Variants in LMNB1 observed in about 807,000 individuals in gnomAD.
LMNB1 encodes lamin B1, also known as lamin-B1.
In LMNB1, 23 loss-of-function variants were observed where a neutral mutation model predicts 67.1. That is an observed-to-expected ratio of 0.34 (90% CI 0.25 to 0.49). The LOEUF (loss-of-function observed/expected upper bound fraction) is 0.49, where lower values mean the gene tolerates loss of function less well. Ranked by LOEUF, LMNB1 falls within the 20% of genes least tolerant of loss-of-function variation. LMNB1 has a pLI of 0.99. For synonymous variants in LMNB1, 281 were observed against 282.9 expected (o/e 0.99, Z 0.07); for missense variants, 634 against 746.5 (o/e 0.85, Z 1.76).
intron 9 of LMNB1, among the ~76,000 whole-genome samples, chr5:126,830,432 C>T (rs989915116): frequency 6.6e-6 from 1 of 152,120 alleles, no homozygotes; most frequent in Non-Finnish European, 1.5e-5. Flanking sequence ...AACCTCCCAA[C>T]AGCTTTTTGG....
intron 9 of LMNB1, among the ~76,000 whole-genome samples, chr5:126,827,458 A>G (rs907699241): frequency 6.6e-6 from 1 of 152,134 alleles, no homozygotes; most frequent in South Asian, 2.1e-4. Context: ...GTCAGGAGTT[A>G]GAGACCAGCG....
At chr5:126,809,579 A>C (rs766869102) in intron 3 of LMNB1, among the ~76,000 whole-genome samples, 1 of 152,044 alleles carries the variant, frequency 6.6e-6, no homozygotes, top group Non-Finnish European at 1.5e-5. Context: ...CCCAGTTACT[A>C]GGGAGGCTGA....
intron 1 of LMNB1, among the ~76,000 whole-genome samples, chr5:126,787,546 A>ATTTATT (rs1750838797): frequency 3.0e-5 from 2 of 65,584 alleles, no homozygotes; most frequent in Non-Finnish European, 2.7e-5. Context: ...ATATATATAT[A>ATTTATT]TTTTTTTTTT....
At chr5:126,794,541 T>C (rs1265905310) in intron 1 of LMNB1, among the ~76,000 whole-genome samples, 2 of 152,242 alleles carry the variant, frequency 1.3e-5, no homozygotes, top group African/African-American at 4.8e-5. Flanking sequence ...ATGTTGATGC[T>C]GAGCTCTGGG....
chr5:126,834,266 C>T (rs1438969811), intron 10 of LMNB1, among the ~76,000 whole-genome samples: 1 of 151,448 alleles, frequency 6.6e-6, no homozygotes, highest in African/African-American at 2.4e-5. Flanking sequence ...AGCGCAGTGG[C>T]GCAATCTCAG....
rs1750883135 is a variant in LMNB1, at chr5:126,789,035, A to G, written c.359+11168A>G. ...CTCAGCCTCTGGAGTAGCTGGGACT[A>G]CAGGCACACACCACCACGACTGGCT... On this transcript the variant is annotated intron_variant, in intron 1 of 10. Transcript: ENST00000261366. Among the ~76,000 whole-genome samples the G allele has an allele frequency of 5.3e-5, 8 of 151,906 alleles. No homozygotes were observed. The South Asian group carries it at 1.7e-3, about 31-fold the overall frequency.
Position 126,784,080 on chromosome 5 carries a change from A to G in LMNB1, c.359+6213A>G, listed in dbSNP as rs112386883. ...GCTCTCGTTGCCCAGGCTGGAGTAC[A>G]GTGGTGCGATCTCAGCTCACTGCAA... On this transcript the variant is annotated intron_variant, in intron 1 of 10. Coordinates refer to ENST00000261366, the MANE Select transcript of LMNB1 (RefSeq NM_005573.4). 7.6e-3 allele frequency among the ~76,000 whole-genome samples: 976 copies of G among 128,196 alleles called. 11 individuals are homozygous for G. Among genetic ancestry groups the G allele is most frequent in the African/African-American group, 0.028 (930 of 32,900 alleles). 84.1% of individuals were successfully genotyped at this position (128,196 alleles called of 152,430 possible).
chr5:126,804,355 G>C (rs1384831595), intron 1 of LMNB1, among the ~76,000 whole-genome samples: 2 of 140,860 alleles, frequency 1.4e-5, no homozygotes, highest in Non-Finnish European at 3.1e-5. Flanking sequence ...TGTGATTACA[G>C]ACGTAAGCCA....
intron 1 of LMNB1, among the ~76,000 whole-genome samples, chr5:126,788,623 A>G (rs997251997): frequency 6.6e-6 from 1 of 152,178 alleles, no homozygotes; most frequent in African/African-American, 2.4e-5. Context: ...TCTGCACTCC[A>G]GCCTGTGTGA....
At chr5:126,818,341 C>CGATT (rs1751763639) in intron 5 of LMNB1, among the ~76,000 whole-genome samples, 1 of 150,900 alleles carries the variant, frequency 6.6e-6, no homozygotes, top group South Asian at 2.1e-4. Context: ...GGGGTTCAAG[C>CGATT]GATTGTCCTG....
intron 1 of LMNB1, among the ~76,000 whole-genome samples, chr5:126,800,728 C>T (rs1010163452): frequency 1.4e-5 from 2 of 144,990 alleles, no homozygotes; most frequent in African/African-American, 5.1e-5. Context: ...TCTTGGCTCA[C>T]CGCAACCTCT....
rs1188623063 is a variant in LMNB1, at chr5:126,805,686, T to C, written c.632T>C (p.Met211Thr). ...LTEDLEFRKSMYEEEINETRR... is the reference protein window; with the variant it reads ...LTEDLEFRKSTYEEEINETRR... The stretch of plus-strand genomic sequence containing the variant: ...GAGGACTTGGAGTTTCGCAAAAGCA[T>C]GTATGAAGAGGTAACTATATATAAT... Residue 211 changes from methionine (M) to threonine (T), a missense_variant, in exon 3 of 11, where the codon ATG becomes ACG. Met to Thr is a moderately conservative substitution (Grantham distance 81). Coordinates refer to ENST00000261366, the MANE Select transcript of LMNB1 (RefSeq NM_005573.4). 3 of 1,611,106 alleles carry C rather than the reference T, an allele frequency of 1.9e-6. No individual in the cohort carries two copies. Among genetic ancestry groups the C allele is most frequent in the East Asian group, 2.2e-5 (1 of 44,844 alleles).
At chr5:126,797,329 G>C (rs978009436) in intron 1 of LMNB1, among the ~76,000 whole-genome samples, 3 of 152,280 alleles carry the variant, frequency 2.0e-5, no homozygotes, top group South Asian at 2.1e-4. Flanking sequence ...ATTTTCAGGA[G>C]CGTGTATATT....
intron 1 of LMNB1, among the ~76,000 whole-genome samples, chr5:126,788,887 T>C (rs1486096974): frequency 8.9e-6 from 1 of 112,560 alleles, no homozygotes; most frequent in Non-Finnish European, 1.9e-5. Flanking sequence ...AGGAGACAAG[T>C]TTTTTTTTGT....
intron 1 of LMNB1, among the ~76,000 whole-genome samples, chr5:126,787,533 TA>T (rs1750829705): frequency 9.0e-5 from 9 of 100,218 alleles, no homozygotes; most frequent in South Asian, 3.3e-4. Flanking sequence ...GGTATATATA[TA>T]TATATATATA....
At position 126,777,885 on chromosome 5, in the gene LMNB1, G is replaced by A; in HGVS notation, c.359+18G>A. The A allele has an allele frequency of 1.4e-6, 2 of 1,382,112 alleles. No individual in the cohort carries two copies. Among genetic ancestry groups the A allele is most frequent in the Non-Finnish European group, 1.9e-6 (2 of 1,069,060 alleles). The allele number at this position is 1,382,112 out of a possible 1,614,324, so 85.6% of individuals were successfully genotyped here. A position where few individuals can be genotyped will look rare whatever the true frequency, so the allele number is the denominator to read the frequency against. Reference sequence around the variant, plus strand: ...CTCCTCAAGTGAGTGCTAGCTGGCGGCCGCGTTAGCGCCAAGGAGGGGCGG... The same window carrying A: ...CTCCTCAAGTGAGTGCTAGCTGGCGACCGCGTTAGCGCCAAGGAGGGGCGG... On this transcript the variant is annotated intron_variant, in intron 1 of 10. Coordinates refer to ENST00000261366, the MANE Select transcript of LMNB1 (RefSeq NM_005573.4).
intron 5 of LMNB1, among the ~76,000 whole-genome samples, chr5:126,813,370 C>T (rs890319405): frequency 1.2e-4 from 18 of 152,290 alleles, no homozygotes; most frequent in African/African-American, 3.6e-4. Context: ...ATGATTTGCC[C>T]GTTGCCCAGA....
intron 10 of LMNB1, among the ~76,000 whole-genome samples, chr5:126,835,067 G>A (rs1460222836): frequency 6.6e-6 from 1 of 152,176 alleles, no homozygotes; most frequent in Non-Finnish European, 1.5e-5. Flanking sequence ...TGGCCAAGCT[G>A]AATCAGAGGG....
chr5:126,826,731 T>C (rs377298473), intron 9 of LMNB1, among the ~76,000 whole-genome samples: 23 of 152,268 alleles, frequency 1.5e-4, no homozygotes, highest in African/African-American at 5.1e-4. Flanking sequence ...GCGGCTAAAG[T>C]GTGCTTTGAA....
Sources: gnomAD v4.1 joint callset for allele counts (sites outside exome capture counted in the v4.1 genomes callset) on GRCh38, gnomAD v4.1.1 for gene constraint, MANE v1.5 for transcripts, NCBI Gene and HGNC (gene_info 2026-07-23, HGNC 2026-07-21) for gene names.